KCTD16: variants seen among roughly 807,000 people sequenced by gnomAD.
KCTD16 encodes the protein BTB/POZ domain-containing protein KCTD16.
KCTD16 carries 13 observed loss-of-function variants against 33.2 expected under a neutral mutation model. The observed-to-expected ratio is 0.39, with a 90% CI of 0.25 to 0.62. The LOEUF is 0.62. Among genes scored for constraint, KCTD16 ranks in the 20% least tolerant of loss-of-function variants. The pLI is 0.50. For missense variants in KCTD16, 441 were observed against 525.1 expected (o/e 0.84, Z 1.57); for synonymous variants, 197 against 195.3 (o/e 1.01, Z -0.07).
intron 3 of KCTD16, among the ~76,000 whole-genome samples, chr5:144,261,675 C>G (rs1231192803): frequency 2.0e-5 from 3 of 152,220 alleles, no homozygotes; most frequent in Non-Finnish European, 4.4e-5. Context: ...TGTAAAAATT[C>G]CTTGCAGTTT....
chr5:144,351,021 C>T (rs1751415113), intron 3 of KCTD16, among the ~76,000 whole-genome samples: 1 of 152,102 alleles, frequency 6.6e-6, no homozygotes, highest in Non-Finnish European at 1.5e-5. Flanking sequence ...TAGGTCTGAA[C>T]ACCACTGAAA....
chr5:144,388,779 G>A (rs967235271), intron 3 of KCTD16, among the ~76,000 whole-genome samples: 3 of 152,120 alleles, frequency 2.0e-5, no homozygotes, highest in Non-Finnish European at 2.9e-5. Flanking sequence ...TCCATTCAAC[G>A]AATCAAACAC....
chr5:144,330,936 T>C (rs1194138569), intron 3 of KCTD16, among the ~76,000 whole-genome samples: 2 of 152,324 alleles, frequency 1.3e-5, no homozygotes, highest in East Asian at 3.9e-4. Context: ...GGAGGGACTT[T>C]AATAACAACG....
At chr5:144,193,390 TC>T (rs1752880352) in intron 2 of KCTD16, among the ~76,000 whole-genome samples, 1 of 152,084 alleles carries the variant, frequency 6.6e-6, no homozygotes, top group Non-Finnish European at 1.5e-5. Context: ...TAGTTTCACC[TC>T]AGACAGCTGA....
intron 3 of KCTD16, among the ~76,000 whole-genome samples, chr5:144,368,730 G>A (rs1751895385): frequency 1.3e-5 from 2 of 152,194 alleles, no homozygotes; most frequent in African/African-American, 2.4e-5. Flanking sequence ...TGAGTTTCTG[G>A]TGATTAGTTA....
rs543546797 is a variant in KCTD16 at position 144,175,523 on chromosome 5, G to A, written c.-327+1051G>A. Among the ~76,000 whole-genome samples the A allele has an allele frequency of 1.2e-4, 19 of 152,232 alleles. No individual in the cohort carries two copies. The South Asian group carries it at 3.9e-3, about 32-fold the overall frequency. On this transcript the variant is annotated intron_variant, in intron 2 of 3. Transcript: ENST00000512467. ...ATTCAAGTTGATAAAAATATTTTCT[G>A]TAATCTTCTCATTGGGCAAATAATA...
Position 144,427,260 on chromosome 5 carries a change from G to A in KCTD16, c.833-46400G>A, listed in dbSNP as rs573451878. Among the ~76,000 whole-genome samples the A allele has an allele frequency of 2.6e-5, 4 of 151,928 alleles. No homozygotes were observed. The South Asian group carries it at 8.3e-4, about 32-fold the overall frequency. ...GCTGGTTTGAATTAAGCGGGGGGAG[G>A]GGGGTGAGTATCTTGATCTTCTACT... On this transcript the variant is annotated intron_variant, in intron 3 of 3. Coordinates refer to ENST00000512467, the MANE Select transcript of KCTD16 (RefSeq NM_020768.4).
intron 3 of KCTD16, among the ~76,000 whole-genome samples, chr5:144,434,442 A>G (rs1010444738): frequency 2.6e-5 from 4 of 152,156 alleles, no homozygotes; most frequent in African/African-American, 9.7e-5. Flanking sequence ...AGGGGTGTGT[A>G]ACTCATGGGA....
intron 3 of KCTD16, among the ~76,000 whole-genome samples, chr5:144,330,244 C>T (rs751030197): frequency 1.1e-4 from 17 of 151,846 alleles, no homozygotes; most frequent in Non-Finnish European, 2.1e-4. Context: ...GAAACCCCGT[C>T]TCTACTAAAA....
chr5:144,408,445 A>C (rs956982251), intron 3 of KCTD16, among the ~76,000 whole-genome samples: 1 of 152,208 alleles, frequency 6.6e-6, no homozygotes, highest in African/African-American at 2.4e-5. Flanking sequence ...ATTGAGAATA[A>C]ATTTTCACAC....
chr5:144,201,929 G>A (rs1381027455), intron 2 of KCTD16, among the ~76,000 whole-genome samples: 1 of 152,232 alleles, frequency 6.6e-6, no homozygotes, highest in Non-Finnish European at 1.5e-5. Flanking sequence ...ACTTAAGGAT[G>A]TGTTAGGAGT....
At chr5:144,323,261 A>G (rs949826348) in intron 3 of KCTD16, among the ~76,000 whole-genome samples, 1 of 152,172 alleles carries the variant, frequency 6.6e-6, no homozygotes, top group Non-Finnish European at 1.5e-5. Context: ...AAGCCTTGAG[A>G]TATTTTTCTT....
At chr5:144,311,094 G>A (rs577731980) in intron 3 of KCTD16, among the ~76,000 whole-genome samples, 14 of 152,236 alleles carry the variant, frequency 9.2e-5, no homozygotes, top group African/African-American at 3.4e-4. Context: ...CTTTAGGTGT[G>A]TACAGGCTAG....
chr5:144,216,650 C>A (rs898542742), intron 3 of KCTD16, among the ~76,000 whole-genome samples: 3 of 151,966 alleles, frequency 2.0e-5, no homozygotes, highest in African/African-American at 7.3e-5. Context: ...TTGAGACCAG[C>A]CTGGCCAACA....
intron 2 of KCTD16, among the ~76,000 whole-genome samples, chr5:144,177,062 T>C (rs1752525456): frequency 6.6e-6 from 1 of 152,198 alleles, no homozygotes; most frequent in African/African-American, 2.4e-5. Context: ...TTTGTTGTTG[T>C]TGTTGCAATT....
At chr5:144,439,322 A>T in intron 3 of KCTD16, 1 of 492,216 alleles carries the variant, frequency 2.0e-6, no homozygotes, top group Non-Finnish European at 4.0e-6. Context: ...ACTTGAATTG[A>T]ATGGAGGAAT....
chr5:144,304,628 A>G (rs1368766401), intron 3 of KCTD16, among the ~76,000 whole-genome samples: 1 of 152,218 alleles, frequency 6.6e-6, no homozygotes, highest in Non-Finnish European at 1.5e-5. Context: ...TTCAAAGGAA[A>G]GTAATGGAGA....
At chr5:144,264,789 C>T (rs373866003) in intron 3 of KCTD16, among the ~76,000 whole-genome samples, 20 of 152,004 alleles carry the variant, frequency 1.3e-4, no homozygotes, top group Non-Finnish European at 2.6e-4. Flanking sequence ...CAAACAGAAA[C>T]GATTAACAAT....
At chr5:144,262,508 C>T (rs1308421646) in intron 3 of KCTD16, among the ~76,000 whole-genome samples, 3 of 152,186 alleles carry the variant, frequency 2.0e-5, no homozygotes, top group Non-Finnish European at 4.4e-5. Flanking sequence ...CATTTTTTAT[C>T]TTTATCTAAT....
Sources: allele counts gnomAD v4.1 joint callset (sites outside exome capture counted in the v4.1 genomes callset), GRCh38; gene constraint gnomAD v4.1.1; transcripts MANE v1.5; gene names NCBI Gene and HGNC (gene_info 2026-07-23, HGNC 2026-07-21).